EDEM1: variants seen among roughly 807,000 people sequenced by gnomAD.
The protein encoded by EDEM1 is ER degradation-enhancing alpha-mannosidase-like protein 1.
Under a neutral mutation model 74.4 loss-of-function variants are expected in EDEM1, and 67 were observed. The observed-to-expected ratio is 0.90, with a 90% CI of 0.74 to 1.10. The LOEUF (loss-of-function observed/expected upper bound fraction) is 1.10, where lower values mean the gene tolerates loss of function less well. EDEM1 is among the 50% of genes least tolerant of loss of function. EDEM1 has a pLI of 0.00. For missense variants in EDEM1, 926 were observed against 851.6 expected (o/e 1.09, Z -1.09); for synonymous variants, 382 against 335.9 (o/e 1.14, Z -1.50).
intron 7 of EDEM1, 50 bp from the exon 8 acceptor site, chr3:5,208,043 G>C (rs372559080): frequency 6.6e-7 from 1 of 1,517,672 alleles, no homozygotes. Flanking sequence ...GCCATGTCTT[G>C]TCACTCTAGG....
intron 1 of EDEM1, among the ~76,000 whole-genome samples, chr3:5,194,181 C>G (rs1329945915): frequency 6.6e-6 from 1 of 152,172 alleles, no homozygotes; most frequent in Non-Finnish European, 1.5e-5. Context: ...TGGAAGACTG[C>G]AGATATCAAT....
At chr3:5,211,716 C>T (rs900049323) in intron 10 of EDEM1, among the ~76,000 whole-genome samples, 7 of 151,716 alleles carry the variant, frequency 4.6e-5, no homozygotes, top group Non-Finnish European at 7.4e-5. Flanking sequence ...TGGACCTGGA[C>T]GAACCCTTTG....
At chr3:5,213,178 C>T in intron 10 of EDEM1, 141 bp from the exon 11 acceptor site, 1 of 817,874 alleles carries the variant, frequency 1.2e-6, no homozygotes, top group East Asian at 2.7e-5. Flanking sequence ...AGTTGTCAGT[C>T]AATTCCTTTT....
intron 4 of EDEM1, among the ~76,000 whole-genome samples, 165 bp from the exon 5 acceptor site, chr3:5,202,801 A>G (rs1379868054): frequency 6.6e-6 from 1 of 152,126 alleles, no homozygotes; most frequent in Non-Finnish European, 1.5e-5. Context: ...TGTGTCTTTT[A>G]AATTTAATTC....
rs1399014355 is a variant in EDEM1, at chr3:5,211,157, T to C, written c.1621T>C (p.Ser541Pro). 1 of 1,614,202 alleles carries C rather than the reference T, an allele frequency of 6.2e-7. No individual in the cohort carries two copies. Among genetic ancestry groups the C allele is most frequent in the Non-Finnish European group, 8.5e-7 (1 of 1,180,038 alleles). Residue 541 changes from serine (S) to proline (P), a missense_variant, in exon 10 of 12, where the codon TCC (serine) becomes CCC (proline). Coordinates refer to ENST00000256497, the MANE Select transcript of EDEM1 (RefSeq NM_014674.3). ...YATLHHVIDK[S>P]TEDRMESFFL... Reference sequence around the variant, plus strand: ...CACGCTGCATCACGTCATTGACAAGTCCACAGAAGACCGGATGGAGAGCTT... The same window carrying C: ...CACGCTGCATCACGTCATTGACAAGCCCACAGAAGACCGGATGGAGAGCTT...
intron 1 of EDEM1, 34 bp downstream of exon 1, chr3:5,188,348 C>G: frequency 7.2e-7 from 1 of 1,382,896 alleles, no homozygotes; most frequent in Non-Finnish European, 9.4e-7. Context: ...GCCGCGCGCC[C>G]ACGCGCTTCC....
rs1444326942 is a variant in EDEM1 at position 5,218,919 on chromosome 3, TTG to T, written c.*3003_*3004del. The T allele has an allele frequency of 6.6e-6, 1 of 152,182 alleles. No homozygotes were observed. Among genetic ancestry groups the T allele is most frequent in the African/African-American group, 2.4e-5 (1 of 41,444 alleles). 9.4% of individuals were successfully genotyped at this position (152,182 alleles called of 1,614,324 possible). On this transcript the variant is annotated 3_prime_UTR_variant, in exon 12 of 12. Transcript: ENST00000256497. ...TGTAACTGAATCCTCAGGGCTTTTC[TTG>T]TTTTAGATCATGGACTGTGCACGTG...
At chr3:5,202,684 T>G (rs973204045) in intron 4 of EDEM1, among the ~76,000 whole-genome samples, 3 of 152,208 alleles carry the variant, frequency 2.0e-5, no homozygotes, top group African/African-American at 7.2e-5. Flanking sequence ...TGTGTTACCA[T>G]GAAGAAAACC....
At chr3:5,190,008 G>A (rs1031665528) in intron 1 of EDEM1, among the ~76,000 whole-genome samples, 5 of 150,894 alleles carry the variant, frequency 3.3e-5, no homozygotes, top group Non-Finnish European at 7.4e-5. Flanking sequence ...TTGGGGGGGG[G>A]GATAAACTTC....
At chr3:5,215,298 G>T (rs527690592) in intron 11 of EDEM1, among the ~76,000 whole-genome samples, 3 of 147,744 alleles carry the variant, frequency 2.0e-5, no homozygotes, top group South Asian at 4.2e-4. Flanking sequence ...TGGTGGGGGT[G>T]GGGGGGTTTT....
At chr3:5,211,379 C>G (rs1284415390) in intron 10 of EDEM1, 163 bp downstream of exon 10, 1 of 642,582 alleles carries the variant, frequency 1.6e-6, no homozygotes, top group Non-Finnish European at 2.7e-6. Context: ...TTACTATCTT[C>G]TTTCATGGTT....
chr3:5,217,948 C>T lies in EDEM1; in HGVS notation c.*2030C>T, dbSNP rs1029294427. On this transcript the variant is annotated 3_prime_UTR_variant, in exon 12 of 12. Transcript: ENST00000256497. The stretch of plus-strand genomic sequence containing the variant: ...CTGTGATTTCTCTTGGCGCTCCCCT[C>T]CTCTCCCGCTCTGGCTTCTGTGGCG... 2.0e-5 allele frequency: 3 copies of T among 152,196 alleles called. No homozygotes were observed. The highest frequency in any genetic ancestry group is 4.8e-5 in the African/African-American group (2 of 41,438). 9.4% of individuals were successfully genotyped at this position (152,196 alleles called of 1,614,324 possible).
In EDEM1 at chr3:5,209,138, A is replaced by G. The variant is rs148156333; in HGVS notation, c.1509+875A>G. On this transcript the variant is annotated intron_variant, in intron 8 of 11. Coordinates refer to ENST00000256497, the MANE Select transcript of EDEM1 (RefSeq NM_014674.3). ...TAAGATTTGAATTTATTTATTCAAC[A>G]ATTTTTTTATACCAAATCCTTGCCG... 4.2e-3 allele frequency among the ~76,000 whole-genome samples: 633 copies of G among 152,280 alleles called. 6 individuals carry two copies. Among genetic ancestry groups the G allele is most frequent in the Middle Eastern group, 6.8e-3 (2 of 294 alleles).
intron 10 of EDEM1, among the ~76,000 whole-genome samples, chr3:5,212,407 C>G (rs1443667920): frequency 6.6e-6 from 1 of 152,156 alleles, no homozygotes; most frequent in Non-Finnish European, 1.5e-5. Flanking sequence ...CTGGTCAGAG[C>G]CTAGCTACAT....
chr3:5,215,001 A>C (rs146311199), intron 11 of EDEM1, among the ~76,000 whole-genome samples: 1 of 152,162 alleles, frequency 6.6e-6, no homozygotes, highest in African/African-American at 2.4e-5. Context: ...AGATCCTTGA[A>C]GGATGAAAAG....
intron 1 of EDEM1, among the ~76,000 whole-genome samples, chr3:5,188,679 A>G (rs1192218512): frequency 1.3e-5 from 2 of 152,326 alleles, no homozygotes; most frequent in East Asian, 1.9e-4. Flanking sequence ...GGATGAGCAT[A>G]AACTCTAAAT....
At chr3:5,198,416 CTT>C in intron 2 of EDEM1, among the ~76,000 whole-genome samples, 1 of 152,160 alleles carries the variant, frequency 6.6e-6, no homozygotes, top group Admixed American at 6.5e-5. Flanking sequence ...GGAATAGTCA[CTT>C]ATGCCTTTGT....
At chr3:5,200,931 C>T (rs1353565717) in intron 3 of EDEM1, among the ~76,000 whole-genome samples, 1 of 148,500 alleles carries the variant, frequency 6.7e-6, no homozygotes, top group African/African-American at 2.5e-5. Flanking sequence ...GGGTCTTGCT[C>T]TGTTGCCCAG....
At position 5,216,852 on chromosome 3, in the gene EDEM1, T is replaced by C. The variant is rs1575594597; in HGVS notation, c.*934T>C. On this transcript the variant is annotated 3_prime_UTR_variant, in exon 12 of 12. Coordinates refer to ENST00000256497, the MANE Select transcript of EDEM1 (RefSeq NM_014674.3). ...ATACCTAAGATTGTCTGAGCTTCCA[T>C]CTTTCTCATATTTCCTAAGCAAGGA... The C allele has an allele frequency of 2.6e-5, 4 of 152,698 alleles. No individual in the cohort carries two copies. In the East Asian group the frequency reaches 7.7e-4, roughly 29 times the overall value. 9.5% of individuals were successfully genotyped at this position (152,698 alleles called of 1,614,324 possible).
Sources: allele counts gnomAD v4.1 joint callset (sites outside exome capture counted in the v4.1 genomes callset), GRCh38; gene constraint gnomAD v4.1.1; transcripts MANE v1.5; gene names NCBI Gene and HGNC (gene_info 2026-07-23, HGNC 2026-07-21).